Variants in BAZ2B observed in about 807,000 individuals in gnomAD.
BAZ2B encodes the protein bromodomain adjacent to zinc finger domain protein 2B.
A neutral mutation model predicts 246.0 loss-of-function variants in BAZ2B; 91 were observed. The ratio of observed to expected loss-of-function variants is 0.37; its 90% CI spans 0.31 to 0.44. The LOEUF (loss-of-function observed/expected upper bound fraction) is 0.44. BAZ2B is among the 20% of genes least tolerant of loss of function. The probability of loss-of-function intolerance (pLI) is 1.00; values close to 1 mark genes in which losing one functional copy is unlikely to be tolerated. For synonymous variants in BAZ2B, 855 were observed against 860.0 expected, an observed-to-expected ratio of 0.99 and a Z score of 0.10; for missense variants, 2,332 against 2,533.7, an observed-to-expected ratio of 0.92 and a Z score of 1.71.
the BAZ2B span, among the ~76,000 whole-genome samples, chr2:159,634,187 T>C: frequency 6.6e-6 from 1 of 152,238 alleles, no homozygotes; most frequent in Non-Finnish European, 1.5e-5. Flanking sequence ...AGTGTGAGAA[T>C]ATTCTAGTGC....
intron 3 of BAZ2B, among the ~76,000 whole-genome samples, chr2:159,466,573 C>T (rs540198987): frequency 6.6e-6 from 1 of 152,244 alleles, no homozygotes; most frequent in African/African-American, 2.4e-5. Context: ...TACCTAGAGA[C>T]TATAATTAGA....
chr2:159,602,675 A>T (rs969831491), intron 1 of BAZ2B, among the ~76,000 whole-genome samples: 3 of 152,180 alleles, frequency 2.0e-5, no homozygotes, highest in Non-Finnish European at 4.4e-5. Flanking sequence ...ACTACAAATC[A>T]AGGCTCTCTT....
chr2:159,330,955 A>G (rs2064646906), intron 34 of BAZ2B, among the ~76,000 whole-genome samples: 1 of 152,174 alleles, frequency 6.6e-6, no homozygotes, highest in African/African-American at 2.4e-5. Flanking sequence ...AAAATGGAGG[A>G]ACTGGATCAA....
intron 16 of BAZ2B, among the ~76,000 whole-genome samples, chr2:159,401,689 GAT>G (rs2065095814): frequency 6.6e-6 from 1 of 151,996 alleles, no homozygotes; most frequent in Admixed American, 6.6e-5. Context: ...CTGGTTATTG[GAT>G]ATGTTTTATA....
the BAZ2B span, among the ~76,000 whole-genome samples, chr2:159,711,217 GA>G: frequency 6.6e-6 from 1 of 152,212 alleles, no homozygotes; most frequent in South Asian, 2.1e-4. Flanking sequence ...GGCTGGAAAA[GA>G]ATTATTTTTC....
chr2:159,674,573 G>A, the BAZ2B span, among the ~76,000 whole-genome samples: 9 of 151,766 alleles, frequency 5.9e-5, no homozygotes, highest in Non-Finnish European at 8.8e-5. Flanking sequence ...AAAATTAGCC[G>A]GGTGTGGTGG....
intron 27 of BAZ2B, among the ~76,000 whole-genome samples, chr2:159,350,872 C>T (rs556808362): frequency 1.4e-5 from 2 of 143,826 alleles, no homozygotes; most frequent in East Asian, 2.1e-4. Flanking sequence ...CACTCCCAGC[C>T]GGCATTAACA....
At chr2:159,584,331 A>G (rs1296087407) in intron 1 of BAZ2B, among the ~76,000 whole-genome samples, 1 of 152,156 alleles carries the variant, frequency 6.6e-6, no homozygotes, top group Non-Finnish European at 1.5e-5. Flanking sequence ...CATGTTGGCC[A>G]AGATGGTCTC....
intron 5 of BAZ2B, 31 bp from the exon 6 acceptor site, chr2:159,447,006 A>G (rs775813860): frequency 7.1e-7 from 1 of 1,417,212 alleles, no homozygotes; most frequent in Non-Finnish European, 9.5e-7. Context: ...TGTTTATACA[A>G]TGGAATATTA....
intron 27 of BAZ2B, among the ~76,000 whole-genome samples, 196 bp from the exon 28 acceptor site, chr2:159,350,553 A>T (rs915022300): frequency 2.0e-5 from 3 of 151,066 alleles, no homozygotes; most frequent in African/African-American, 4.9e-5. Flanking sequence ...ATATATATAT[A>T]TTTTGTTTGT....
intron 2 of BAZ2B, among the ~76,000 whole-genome samples, chr2:159,504,169 A>G (rs1007170763): frequency 2.0e-5 from 3 of 150,550 alleles, no homozygotes; most frequent in Non-Finnish European, 4.4e-5. Flanking sequence ...TTTTTAATTT[A>G]TTATTATTAT....
At chr2:159,478,223 T>A (rs187071001) in intron 3 of BAZ2B, among the ~76,000 whole-genome samples, 1 of 152,322 alleles carries the variant, frequency 6.6e-6, no homozygotes, top group East Asian at 1.9e-4. Flanking sequence ...TACAAGGTCA[T>A]TTCAAATACT....
At chr2:159,341,086 T>G (rs956662889) in intron 31 of BAZ2B, among the ~76,000 whole-genome samples, 1 of 151,950 alleles carries the variant, frequency 6.6e-6, no homozygotes, top group African/African-American at 2.4e-5. Flanking sequence ...ACTGGCTGGA[T>G]TAAAAAAACA....
the BAZ2B span, among the ~76,000 whole-genome samples, chr2:159,682,288 C>T: frequency 6.7e-6 from 1 of 150,230 alleles, no homozygotes; most frequent in African/African-American, 2.4e-5. Context: ...TCAAACAATC[C>T]TCCCACTTCA....
intron 3 of BAZ2B, chr2:159,463,775 G>A (rs11688102): frequency 0.33 from 49,869 of 151,956 alleles, 9,666 homozygotes; most frequent in Non-Finnish European, 0.46. Flanking sequence ...TGCGATCTCC[G>A]CTCACTGCAA....
intron 6 of BAZ2B, chr2:159,444,608 T>C (rs2073969195): frequency 6.6e-6 from 1 of 152,174 alleles, no homozygotes; most frequent in Admixed American, 6.6e-5. Context: ...TAAAGAAAGT[T>C]TGACAAAGTA....
At chr2:159,663,855 CTTTTTTTTTTTT>C in the BAZ2B span, among the ~76,000 whole-genome samples, 9 of 92,490 alleles carry the variant, frequency 9.7e-5, no homozygotes, top group East Asian at 1.1e-3. Flanking sequence ...AAACCATTTT[CTTTTTTTTTTTT>C]TTTTTTTTTT....
chr2:159,385,054 T>C (rs1396466711), intron 23 of BAZ2B, 101 bp downstream of exon 23: 1 of 1,171,660 alleles, frequency 8.5e-7, no homozygotes, highest in Non-Finnish European at 1.2e-6. Context: ...TTCTTTGTGC[T>C]AGTCTGTAAC....
At chr2:159,571,135 C>T (rs10202187) in intron 1 of BAZ2B, among the ~76,000 whole-genome samples, 43,444 of 152,074 alleles carry the variant, frequency 0.29, 7,726 homozygotes, top group South Asian at 0.46. Flanking sequence ...ATTATAGGCA[C>T]GAGCCACCAC....
Sources: gnomAD v4.1 joint callset for allele counts (sites outside exome capture counted in the v4.1 genomes callset) on GRCh38, gnomAD v4.1.1 for gene constraint, MANE v1.5 for transcripts, NCBI Gene and HGNC (gene_info 2026-07-23, HGNC 2026-07-21) for gene names.